SLC12A8: variants seen among roughly 807,000 people sequenced by gnomAD.
SLC12A8 encodes solute carrier family 12 member 8.
SLC12A8 carries 69 observed loss-of-function variants against 75.6 expected under a neutral mutation model. The observed-to-expected ratio is 0.91, with a 90% CI of 0.75 to 1.11. The LOEUF (loss-of-function observed/expected upper bound fraction) is 1.11. Among genes scored for constraint, SLC12A8 ranks in the 50% most tolerant of loss-of-function variants. The probability of loss-of-function intolerance (pLI) is 0.00; values close to 1 mark genes in which losing one functional copy is unlikely to be tolerated. For synonymous variants in SLC12A8, 365 were observed against 372.8 expected (o/e 0.98, Z 0.24); for missense variants, 877 against 896.7 (o/e 0.98, Z 0.28).
At chr3:125,098,554 CCACACACACACACACACACACA>C (rs3222429) in intron 10 of SLC12A8, among the ~76,000 whole-genome samples, 1 of 143,920 alleles carries the variant, frequency 6.9e-6, no homozygotes, top group Non-Finnish European at 1.5e-5. Context: ...TGAATCTTCT[CCACACACACACACACACACACA>C]CACACACACA....
intron 2 of SLC12A8, among the ~76,000 whole-genome samples, chr3:125,193,891 G>A (rs1934955611): frequency 6.6e-6 from 1 of 152,158 alleles, no homozygotes; most frequent in African/African-American, 2.4e-5. Flanking sequence ...TAAACACCAG[G>A]AGAGAGGTCT....
intron 13 of SLC12A8, 25 bp from the exon 14 acceptor site, chr3:125,084,077 T>A (rs535475842): frequency 2.5e-6 from 4 of 1,601,770 alleles, no homozygotes; most frequent in Non-Finnish European, 3.4e-6. Flanking sequence ...ACACAGAGGA[T>A]GGTGAGAAGG....
rs775318597 is a variant in SLC12A8, at chr3:125,162,821, A to G, written c.622+14922T>C. Among the ~76,000 whole-genome samples the G allele has an allele frequency of 2.2e-4, 34 of 152,350 alleles. 1 individual carries two copies. The highest frequency in any genetic ancestry group is 3.4e-3 in the Middle Eastern group (1 of 294). On this transcript the variant is annotated intron_variant, in intron 5 of 13. Coordinates refer to ENST00000469902, the MANE Select transcript of SLC12A8 (RefSeq NM_024628.6). ...TTCACAAAGAGGAATGAGGGCAGTA[A>G]GAGGAAGGATCCCAGGCCTGGCCAG...
chr3:125,091,313 A>G, intron 12 of SLC12A8, 126 bp downstream of exon 12: 1 of 673,436 alleles, frequency 1.5e-6, no homozygotes, highest in Non-Finnish European at 2.7e-6. Flanking sequence ...TAGACTATAA[A>G]TTATTTGAAA....
At chr3:125,100,045 A>T (rs1344653016) in intron 10 of SLC12A8, among the ~76,000 whole-genome samples, 1 of 152,268 alleles carries the variant, frequency 6.6e-6, no homozygotes, top group Non-Finnish European at 1.5e-5. Context: ...AGAAGATTTC[A>T]GATGACAGAG....
At chr3:125,132,806 GAA>G (rs1240808679) in intron 6 of SLC12A8, among the ~76,000 whole-genome samples, 2 of 152,276 alleles carry the variant, frequency 1.3e-5, no homozygotes, top group African/African-American at 2.4e-5. Context: ...AAATAGTTGA[GAA>G]AGAGATGTGA....
intron 6 of SLC12A8, among the ~76,000 whole-genome samples, chr3:125,124,901 G>A (rs1224288284): frequency 6.6e-6 from 1 of 152,156 alleles, no homozygotes; most frequent in Non-Finnish European, 1.5e-5. Context: ...TGGCGTAATA[G>A]AACAAATACT....
chr3:125,169,637 C>T (rs948037593), intron 5 of SLC12A8, among the ~76,000 whole-genome samples: 1 of 152,152 alleles, frequency 6.6e-6, no homozygotes, highest in Admixed American at 6.5e-5. Context: ...CTCTGCTCCC[C>T]GAACTGATGC....
At chr3:125,140,901 A>G (rs1298470558) in intron 5 of SLC12A8, among the ~76,000 whole-genome samples, 1 of 152,028 alleles carries the variant, frequency 6.6e-6, no homozygotes, top group Non-Finnish European at 1.5e-5. Flanking sequence ...GGGATTTCCA[A>G]CACTTGTTTT....
intron 2 of SLC12A8, among the ~76,000 whole-genome samples, chr3:125,191,881 T>C (rs1290975046): frequency 6.6e-6 from 1 of 152,188 alleles, no homozygotes. Flanking sequence ...GTAAGCTTCA[T>C]TTATGCATGT....
At chr3:125,205,099 A>AC (rs1275705618) in intron 2 of SLC12A8, among the ~76,000 whole-genome samples, 2 of 152,054 alleles carry the variant, frequency 1.3e-5, no homozygotes, top group Non-Finnish European at 2.9e-5. Flanking sequence ...ACCAGAGGCC[A>AC]CCCCTATAAC....
intron 10 of SLC12A8, among the ~76,000 whole-genome samples, chr3:125,094,822 A>G (rs1938673394): frequency 6.6e-6 from 1 of 152,194 alleles, no homozygotes; most frequent in African/African-American, 2.4e-5. Flanking sequence ...TACTCTTACC[A>G]AAGTTGCCAA....
At chr3:125,177,652 G>T in intron 5 of SLC12A8, 91 bp downstream of exon 5, 2 of 887,368 alleles carry the variant, frequency 2.3e-6, no homozygotes, top group Non-Finnish European at 3.4e-6. Flanking sequence ...ATGGGGGTTA[G>T]GGGGAGATGG....
At chr3:125,187,147 CCT>C (rs1048991206) in intron 4 of SLC12A8, 88 bp downstream of exon 4, 12 of 1,355,010 alleles carry the variant, frequency 8.9e-6, no homozygotes, top group Non-Finnish European at 1.2e-5. Context: ...TTGTCCCCAC[CCT>C]CGCTTCTCCC....
rs1938365185 is a variant in SLC12A8, at chr3:125,083,024, T to C, written c.*866A>G. On this transcript the variant is annotated 3_prime_UTR_variant, in exon 14 of 14. Transcript: ENST00000469902. ...GAGAATGTGAGACTCTACATTCCCA[T>C]TTGCTTGTATATCCATAAAGAAATG... is the stretch of plus-strand genomic sequence containing the variant. 1 of 152,184 alleles carries C rather than the reference T, an allele frequency of 6.6e-6. No homozygotes were observed. Among genetic ancestry groups the C allele is most frequent in the African/African-American group, 2.4e-5 (1 of 41,436 alleles). The allele number at this position is 152,184 out of a possible 1,614,324, so 9.4% of individuals were successfully genotyped here.
chr3:125,085,207 T>G (rs1938427638), intron 13 of SLC12A8, among the ~76,000 whole-genome samples: 1 of 152,246 alleles, frequency 6.6e-6, no homozygotes, highest in African/African-American at 2.4e-5. Flanking sequence ...GTCACACCAG[T>G]CAACATGTAA....
intron 6 of SLC12A8, chr3:125,120,965 G>C (rs992946536): frequency 3.0e-6 from 2 of 669,330 alleles, no homozygotes; most frequent in Non-Finnish European, 5.3e-6. Context: ...AGCAACCAGG[G>C]GGGAGGAAAG....
intron 6 of SLC12A8, among the ~76,000 whole-genome samples, chr3:125,127,885 C>T (rs1933247188): frequency 6.7e-6 from 1 of 149,774 alleles, no homozygotes; most frequent in Non-Finnish European, 1.5e-5. Context: ...AATTATAAAA[C>T]TTTTTTTTTT....
At chr3:125,162,888 A>G (rs816325) in intron 5 of SLC12A8, among the ~76,000 whole-genome samples, 105,470 of 152,094 alleles carry the variant, frequency 0.69, 37,986 homozygotes, top group East Asian at 0.77. Flanking sequence ...CCAGCTAGGG[A>G]TACAGGCAGA....
Sources: gnomAD v4.1 joint callset for allele counts (sites outside exome capture counted in the v4.1 genomes callset) on GRCh38, gnomAD v4.1.1 for gene constraint, MANE v1.5 for transcripts, NCBI Gene and HGNC (gene_info 2026-07-23, HGNC 2026-07-21) for gene names.